The following ITGA9 variants were observed in gnomAD, a reference collection of about 807,000 sequenced individuals.
ITGA9 encodes integrin subunit alpha 9.
In ITGA9, 56 loss-of-function variants were observed where a neutral mutation model predicts 127.8. The ratio of observed to expected loss-of-function variants is 0.44; its 90% CI spans 0.35 to 0.55. ITGA9 has a LOEUF of 0.55. Ranked by LOEUF, ITGA9 falls within the 20% of genes least tolerant of loss-of-function variation. ITGA9 has a pLI of 0.00. For missense variants in ITGA9, 1,196 were observed against 1,347.1 expected (o/e 0.89, Z 1.76); for synonymous variants, 508 against 514.5 (o/e 0.99, Z 0.17).
intron 16 of ITGA9, among the ~76,000 whole-genome samples, chr3:37,646,360 A>G (rs780444198): frequency 6.6e-6 from 1 of 152,206 alleles, no homozygotes; most frequent in Non-Finnish European, 1.5e-5. Context: ...AAAGAAGTAG[A>G]GTAAGGATTT....
At chr3:37,573,951 A>G (rs2125606315) in intron 15 of ITGA9, among the ~76,000 whole-genome samples, 1 of 152,254 alleles carries the variant, frequency 6.6e-6, no homozygotes, top group South Asian at 2.1e-4. Flanking sequence ...ATCACTTCAC[A>G]TGGGAATCCT....
chr3:37,512,078 TTCCTTCC>T (rs1559524693), intron 8 of ITGA9, among the ~76,000 whole-genome samples: 37 of 74,646 alleles, frequency 5.0e-4, no homozygotes, highest in South Asian at 1.5e-3. Context: ...CTTTCTTTCC[TTCCTTCC>T]TTCCTTCCTT....
In ITGA9 at chr3:37,452,520, G is replaced by C; in HGVS notation, c.146G>C (p.Gly49Ala). Reference sequence around the variant, plus strand: ...CAGGGCCCCGCTGACTCGTTCTTCGGCTACGCAGTTCTGGAGCATTTCCAC... The same window carrying C: ...CAGGGCCCCGCTGACTCGTTCTTCGCCTACGCAGTTCTGGAGCATTTCCAC... ...HFQGPADSFF[G>A]YAVLEHFHDN... Residue 49 changes from glycine to alanine, a missense_variant, in exon 1 of 28, where the codon GGC becomes GCC. By Grantham distance (60) the Gly-to-Ala change is moderately conservative (BLOSUM62 0). Transcript: ENST00000264741. The surrounding 1 kb of genome is among the most constrained non-coding windows in gnomAD (Gnocchi z 7.3). 1.3e-6 allele frequency: 2 copies of C among 1,528,954 alleles called. No individual in the cohort carries two copies. The allele number at this position is 1,528,954 out of a possible 1,614,324, so 94.7% of individuals were successfully genotyped here.
At chr3:37,652,989 C>G (rs1700443787) in intron 16 of ITGA9, among the ~76,000 whole-genome samples, 1 of 152,172 alleles carries the variant, frequency 6.6e-6, no homozygotes, top group African/African-American at 2.4e-5. Flanking sequence ...ACAGATAGGC[C>G]CAGGCCCAGG....
chr3:37,816,918 C>T (rs769236320), intron 27 of ITGA9, among the ~76,000 whole-genome samples: 6 of 152,224 alleles, frequency 3.9e-5, no homozygotes, highest in African/African-American at 7.2e-5. Flanking sequence ...CTTCCCCTCA[C>T]GGTGAATGCT....
rs183177362 is a variant in ITGA9, at chr3:37,521,186, G to A, written c.1236+1832G>A. Reference sequence around the variant, plus strand: ...CAAGCTGCTAATATGCATATGATAAGGGCAGAGATTTAAAAGAAAAAAAAT... The same window carrying A: ...CAAGCTGCTAATATGCATATGATAAAGGCAGAGATTTAAAAGAAAAAAAAT... On this transcript the variant is annotated intron_variant, in intron 11 of 27. Coordinates refer to ENST00000264741, the MANE Select transcript of ITGA9 (RefSeq NM_002207.3). 2.7e-3 allele frequency among the ~76,000 whole-genome samples: 414 copies of A among 152,288 alleles called. 1 individual carries two copies. The highest frequency in any genetic ancestry group is 9.1e-3 in the African/African-American group (379 of 41,556).
At chr3:37,462,099 A>C (rs1415773122) in intron 1 of ITGA9, among the ~76,000 whole-genome samples, 1 of 152,202 alleles carries the variant, frequency 6.6e-6, no homozygotes, top group Non-Finnish European at 1.5e-5. Context: ...TTTAGTGTTC[A>C]CTTGCTGCTT....
At chr3:37,644,526 G>A (rs1700360038) in intron 16 of ITGA9, among the ~76,000 whole-genome samples, 1 of 152,114 alleles carries the variant, frequency 6.6e-6, no homozygotes, top group Admixed American at 6.5e-5. Context: ...CCCTGACTTT[G>A]CCATGACAGA....
intron 6 of ITGA9, among the ~76,000 whole-genome samples, chr3:37,504,555 C>G (rs1369006616): frequency 6.6e-6 from 1 of 152,140 alleles, no homozygotes; most frequent in Non-Finnish European, 1.5e-5. Context: ...GGTATAGTGC[C>G]TGGTGTATAG....
intron 23 of ITGA9, among the ~76,000 whole-genome samples, chr3:37,757,803 G>C (rs942832064): frequency 6.6e-6 from 1 of 151,356 alleles, no homozygotes; most frequent in African/African-American, 2.4e-5. Context: ...AAAAATCACC[G>C]ACCCAGATAG....
chr3:37,461,312 C>G (rs1698314135), intron 1 of ITGA9, among the ~76,000 whole-genome samples: 1 of 152,202 alleles, frequency 6.6e-6, no homozygotes, highest in Non-Finnish European at 1.5e-5. Context: ...CTGCCTTACT[C>G]AGCTCTCTGC....
At chr3:37,654,327 T>C (rs1279177446) in intron 17 of ITGA9, among the ~76,000 whole-genome samples, 1 of 152,156 alleles carries the variant, frequency 6.6e-6, no homozygotes, top group Non-Finnish European at 1.5e-5. Context: ...AGTCTCCTTA[T>C]TGTTTCAGGG....
intron 15 of ITGA9, among the ~76,000 whole-genome samples, chr3:37,603,422 A>G (rs558971276): frequency 3.9e-5 from 6 of 152,244 alleles, no homozygotes; most frequent in African/African-American, 1.4e-4. Context: ...ATTCTACACC[A>G]TTTTACATCA....
At chr3:37,636,681 G>C (rs1319092400) in intron 16 of ITGA9, among the ~76,000 whole-genome samples, 1 of 152,158 alleles carries the variant, frequency 6.6e-6, no homozygotes, top group Non-Finnish European at 1.5e-5. Context: ...CATTGCTTTT[G>C]GTGATTTAGA....
chr3:37,669,324 T>G (rs1700615047), intron 17 of ITGA9, among the ~76,000 whole-genome samples: 2 of 152,198 alleles, frequency 1.3e-5, no homozygotes, highest in African/African-American at 4.8e-5. Context: ...GGGTGTGGAT[T>G]AACTCCCTGG....
chr3:37,724,586 C>G (rs1236372631), intron 18 of ITGA9, among the ~76,000 whole-genome samples: 1 of 152,142 alleles, frequency 6.6e-6, no homozygotes, highest in Non-Finnish European at 1.5e-5. Context: ...ACCTCTGCCT[C>G]CTGGGTCCAA....
intron 15 of ITGA9, among the ~76,000 whole-genome samples, chr3:37,577,719 C>T (rs1699667073): frequency 6.6e-6 from 1 of 152,214 alleles, no homozygotes; most frequent in Non-Finnish European, 1.5e-5. Context: ...TAAAACCTTC[C>T]ATTTCCACAT....
rs554025517 is a variant in ITGA9, at chr3:37,545,089, G to A, written c.1689+2504G>A. Among the ~76,000 whole-genome samples the A allele has an allele frequency of 2.0e-5, 3 of 152,340 alleles. No individual in the cohort carries two copies. The East Asian group carries it at 5.8e-4, about 29-fold the overall frequency. On this transcript the variant is annotated intron_variant, in intron 15 of 27. Coordinates refer to ENST00000264741, the MANE Select transcript of ITGA9 (RefSeq NM_002207.3). ...AGGCAGGAAGCAAGGATGAGGGGAAGGGGAGTGGCAGCCGGGCCACCTCCT... is the reference window on the plus strand; with the variant it reads ...AGGCAGGAAGCAAGGATGAGGGGAAAGGGAGTGGCAGCCGGGCCACCTCCT...
chr3:37,490,525 T>C (rs1325146233), intron 4 of ITGA9, among the ~76,000 whole-genome samples: 1 of 152,146 alleles, frequency 6.6e-6, no homozygotes, highest in Non-Finnish European at 1.5e-5. Flanking sequence ...ATGGGTAATA[T>C]GAAGGGAGAT....
Sources: gnomAD v4.1 joint callset for allele counts (sites outside exome capture counted in the v4.1 genomes callset) on GRCh38, gnomAD v4.1.1 for gene constraint, Gnocchi (gnomAD v3.1) non-coding constraint, MANE v1.5 for transcripts, NCBI Gene and HGNC (gene_info 2026-07-23, HGNC 2026-07-21) for gene names.